The following ITPKB variants were observed in gnomAD, a reference collection of about 807,000 sequenced individuals.
ITPKB encodes inositol-trisphosphate 3-kinase B, also known as IP3 3-kinase B.
ITPKB carries 13 observed loss-of-function variants against 69.4 expected under a neutral mutation model. The ratio of observed to expected loss-of-function variants is 0.19; its 90% CI spans 0.12 to 0.30. The LOEUF (loss-of-function observed/expected upper bound fraction) is 0.30, where lower values mean the gene tolerates loss of function less well. ITPKB is among the 10% of genes least tolerant of loss of function. ITPKB has a pLI of 1.00. For synonymous variants in ITPKB, 584 were observed against 513.7 expected, an observed-to-expected ratio of 1.14 and a Z score of -1.85; for missense variants, 1,240 against 1,250.5, an observed-to-expected ratio of 0.99 and a Z score of 0.13.
At chr1:226,655,017 AGAG>A (rs1378291405) in intron 2 of ITPKB, among the ~76,000 whole-genome samples, 1 of 148,980 alleles carries the variant, frequency 6.7e-6, no homozygotes, top group Non-Finnish European at 1.5e-5. Flanking sequence ...CGAAGAGGAA[AGAG>A]GAGGAGGAAG....
intron 2 of ITPKB, among the ~76,000 whole-genome samples, chr1:226,684,764 T>C (rs1656162502): frequency 6.6e-6 from 1 of 152,186 alleles, no homozygotes; most frequent in African/African-American, 2.4e-5. Context: ...CAGTCACTCA[T>C]ATATAACTTA....
rs755889455 is a variant in ITPKB, at chr1:226,637,661, C to A, written c.2625+18G>T. On this transcript the variant is annotated intron_variant, in intron 7 of 7. Transcript: ENST00000429204. This position sits in a 1 kb window ranked among gnomAD's most constrained non-coding sequence, Gnocchi z 4.3. ...ACGCGCAGCATTCTGCTCAAGAGGGCAAAAGCCCAGTATCTACCTCGTGGC... is the reference window on the plus strand; with the variant it reads ...ACGCGCAGCATTCTGCTCAAGAGGGAAAAAGCCCAGTATCTACCTCGTGGC... 6.2e-7 allele frequency: 1 copy of A among 1,601,278 alleles called. No homozygotes were observed. The highest frequency in any genetic ancestry group is 8.6e-7 in the Non-Finnish European group (1 of 1,168,552).
chr1:226,731,735 C>T (rs887171530), intron 2 of ITPKB, among the ~76,000 whole-genome samples: 4 of 152,050 alleles, frequency 2.6e-5, no homozygotes, highest in African/African-American at 4.8e-5. Context: ...ATAAATGACT[C>T]GGGGTCCTCC....
intron 2 of ITPKB, among the ~76,000 whole-genome samples, chr1:226,677,036 C>A (rs531637013): frequency 2.2e-4 from 34 of 152,338 alleles, no homozygotes; most frequent in Admixed American, 1.4e-3. Context: ...TCCAAACCTG[C>A]AAACCCTCCT....
At chr1:226,658,914 A>T (rs973799915) in intron 2 of ITPKB, among the ~76,000 whole-genome samples, 1 of 152,122 alleles carries the variant, frequency 6.6e-6, no homozygotes, top group Admixed American at 6.5e-5. Context: ...AGCTCAGTGA[A>T]CTAGCTAGCT....
At chr1:226,725,100 C>T (rs1657369176) in intron 2 of ITPKB, among the ~76,000 whole-genome samples, 1 of 152,232 alleles carries the variant, frequency 6.6e-6, no homozygotes. Context: ...CCAGCACCAA[C>T]CCATTATTTG....
chr1:226,725,151 C>A (rs1352064187), intron 2 of ITPKB, among the ~76,000 whole-genome samples: 3 of 152,252 alleles, frequency 2.0e-5, no homozygotes, highest in African/African-American at 7.2e-5. Flanking sequence ...AATGGCCGTA[C>A]AACTTGTTCT....
At chr1:226,635,437 G>A (rs891638683) in intron 7 of ITPKB, among the ~76,000 whole-genome samples, 1 of 152,110 alleles carries the variant, frequency 6.6e-6, no homozygotes. Context: ...TGTTACCCAG[G>A]CTGGTCCCAA....
intron 5 of ITPKB, among the ~76,000 whole-genome samples, chr1:226,640,136 C>T (rs2102739806): frequency 6.6e-6 from 1 of 152,326 alleles, no homozygotes; most frequent in South Asian, 2.1e-4. Flanking sequence ...AGCTTGACTT[C>T]CTTTATAATC....
chr1:226,684,221 G>A (rs905887249), intron 2 of ITPKB, among the ~76,000 whole-genome samples: 3 of 152,138 alleles, frequency 2.0e-5, no homozygotes, highest in Admixed American at 6.5e-5. Flanking sequence ...GTTACCAGAC[G>A]GATATGTGAA....
At chr1:226,678,047 T>TA (rs1655947486) in intron 2 of ITPKB, among the ~76,000 whole-genome samples, 1 of 151,900 alleles carries the variant, frequency 6.6e-6, no homozygotes, top group Non-Finnish European at 1.5e-5. Flanking sequence ...ACGAAGGAAT[T>TA]AAAAAAAAGA....
chr1:226,666,148 A>G (rs1238004878), intron 2 of ITPKB, among the ~76,000 whole-genome samples: 1 of 152,218 alleles, frequency 6.6e-6, no homozygotes, highest in Non-Finnish European at 1.5e-5. Flanking sequence ...CATCAGTCCT[A>G]TATCTGCCCC....
Position 226,642,054 on chromosome 1 carries a change from ATCT to A in ITPKB, c.2315_2317del (p.Lys772del). On this transcript the variant is annotated inframe_deletion, in exon 5 of 8. Transcript: ENST00000429204. This position sits in a 1 kb window ranked among gnomAD's most constrained non-coding sequence, Gnocchi z 6.4. Reference sequence around the variant, plus strand: ...GGGGGCCTCGGGGTCCACCTCGATCATCTTCTGGTACATGTCCTTCCGCAGGCT... The same window carrying A: ...GGGGGCCTCGGGGTCCACCTCGATCATCTGGTACATGTCCTTCCGCAGGCT... 1 of 1,614,090 alleles carries A rather than the reference ATCT, an allele frequency of 6.2e-7. No individual in the cohort carries two copies. The highest frequency in any genetic ancestry group is 8.5e-7 in the Non-Finnish European group (1 of 1,180,020).
Position 226,634,800 on chromosome 1 carries a change from C to T in ITPKB, c.2712G>A (p.Leu904=). The part of the protein sequence containing the change: ...WMIDFGKTTP[L]PEGQTLQHDV... ...CATGCTGCAGGGTCTGGCCCTCAGG[C>T]AGGGGCGTGGTTTTCCCAAAGTCGA... The change falls in exon 8 of 8, where the codon CTG becomes CTA. Residue 904 remains leucine (L), a synonymous_variant. Coordinates refer to ENST00000429204, the MANE Select transcript of ITPKB (RefSeq NM_002221.4). The surrounding 1 kb of genome is among the most constrained non-coding windows in gnomAD (Gnocchi z 6.3). The T allele has an allele frequency of 6.2e-7, 1 of 1,606,738 alleles. No individual in the cohort carries two copies. Among genetic ancestry groups the T allele is most frequent in the Non-Finnish European group, 8.5e-7 (1 of 1,173,274 alleles).
At chr1:226,724,231 C>A (rs959068113) in intron 2 of ITPKB, among the ~76,000 whole-genome samples, 7 of 152,046 alleles carry the variant, frequency 4.6e-5, no homozygotes, top group Admixed American at 4.6e-4. Flanking sequence ...CTGGCTCGGG[C>A]TCCACACTCC....
At position 226,736,160 on chromosome 1, in the gene ITPKB, G is replaced by A. The variant is rs550313561; in HGVS notation, c.1299C>T (p.Gly433=). 6 of 1,553,966 alleles carry A rather than the reference G, an allele frequency of 3.9e-6. No homozygotes were observed. The South Asian group carries it at 4.9e-5, about 13-fold the overall frequency. ...TGTCGGAGAGCTGCCAACGCCCCCC[G>A]CCCACGGGGGCCCCACTTCGGGCCT... ...PEEARSGAPV[G]GGRWQLSDRV... is the part of the protein sequence containing the mutation. Residue 433 remains glycine, a synonymous_variant, in exon 2 of 8, where the codon GGC becomes GGT. Coordinates refer to ENST00000429204, the MANE Select transcript of ITPKB (RefSeq NM_002221.4).
In ITPKB at chr1:226,642,073, T is replaced by C; in HGVS notation, c.2299A>G (p.Lys767Glu). Residue 767 changes from lysine to glutamate, a missense_variant, in exon 5 of 8, where the codon AAG becomes GAG. By Grantham distance (56) the Lys-to-Glu change is moderately conservative. Around this residue, in one of 2 missense-constraint regions of ITPKB, gnomAD observed 248 missense variants for 396.7 expected, o/e 0.63. Transcript: ENST00000429204. The surrounding 1 kb of genome is among the most constrained non-coding windows in gnomAD (Gnocchi z 6.4). ...TKARKKPSLR[K>E]DMYQKMIEVD... ...TCGATCATCTTCTGGTACATGTCCT[T>C]CCGCAGGCTGGGCTTCTTCCGGGCC... is the stretch of plus-strand genomic sequence containing the variant. The C allele has an allele frequency of 6.2e-7, 1 of 1,614,156 alleles. No individual in the cohort carries two copies. Among genetic ancestry groups the C allele is most frequent in the Non-Finnish European group, 8.5e-7 (1 of 1,180,040 alleles).
rs1668777948 is a variant in ITPKB at position 226,634,139 on chromosome 1, G to A, written c.*532C>T. The A allele has an allele frequency of 6.4e-6, 1 of 156,600 alleles. No homozygotes were observed. Among genetic ancestry groups the A allele is most frequent in the Admixed American group, 6.0e-5 (1 of 16,590 alleles). The allele number at this position is 156,600 out of a possible 1,614,324, so 9.7% of individuals were successfully genotyped here. ...CTAATCGGAAGACACTTTGCTCACAGTCAACATGTGGTTCCCCGATGGTTT... is the reference window on the plus strand; with the variant it reads ...CTAATCGGAAGACACTTTGCTCACAATCAACATGTGGTTCCCCGATGGTTT... On this transcript the variant is annotated 3_prime_UTR_variant, in exon 8 of 8. Transcript: ENST00000429204. The surrounding 1 kb of genome is among the most constrained non-coding windows in gnomAD (Gnocchi z 6.3).
chr1:226,680,138 G>A (rs1262732321), intron 2 of ITPKB, among the ~76,000 whole-genome samples: 2 of 152,210 alleles, frequency 1.3e-5, no homozygotes, highest in East Asian at 3.8e-4. Flanking sequence ...AGCTTGGGGA[G>A]GGGTTTTCAA....
Sources: allele counts gnomAD v4.1 joint callset (sites outside exome capture counted in the v4.1 genomes callset), GRCh38; gene constraint gnomAD v4.1.1; regional missense constraint gnomAD v4.1.1; non-coding constraint Gnocchi (gnomAD v3.1); transcripts MANE v1.5; gene names NCBI Gene and HGNC (gene_info 2026-07-23, HGNC 2026-07-21).